Variants in TNFSF12 observed in about 807,000 individuals in gnomAD.
TNFSF12 encodes the protein tumor necrosis factor ligand superfamily member 12.
TNFSF12 carries 16 observed loss-of-function variants against 31.2 expected under a neutral mutation model. The ratio of observed to expected loss-of-function variants is 0.51; its 90% CI spans 0.35 to 0.78. The LOEUF is 0.78. TNFSF12 is among the 30% of genes least tolerant of loss of function. The probability of loss-of-function intolerance (pLI) is 0.01; values close to 1 mark genes in which losing one functional copy is unlikely to be tolerated. For synonymous variants in TNFSF12, 150 were observed against 151.4 expected (o/e 0.99, Z 0.07); for missense variants, 324 against 338.8 (o/e 0.96, Z 0.34).
intron 5 of TNFSF12, 149 bp downstream of exon 5, chr17:7,551,127 GGACCCCATGAAA>G: frequency 7.2e-7 from 1 of 1,391,488 alleles, no homozygotes. Context: ...CCCAGGCGTG[GGACCCCATGAAA>G]GACCCCTACT....
intron 5 of TNFSF12, among the ~76,000 whole-genome samples, chr17:7,555,908 G>C (rs1338871028): frequency 6.6e-6 from 1 of 151,468 alleles, no homozygotes; most frequent in Non-Finnish European, 1.5e-5. Flanking sequence ...AAACTTCAGG[G>C]CTGGAGACTC....
At position 7,550,110 on chromosome 17, in the gene TNFSF12, A is replaced by G. The variant is rs1289343402; in HGVS notation, c.208-10A>G. 6.2e-7 allele frequency: 1 copy of G among 1,613,844 alleles called. No individual in the cohort carries two copies. The highest frequency in any genetic ancestry group is 8.5e-7 in the Non-Finnish European group (1 of 1,179,994). ...GAGTCTGTGGTTGAACCCTGCCCTAATTCCCCTAGGAACTGAATCCCCAGA... is the reference window on the plus strand; with the variant it reads ...GAGTCTGTGGTTGAACCCTGCCCTAGTTCCCCTAGGAACTGAATCCCCAGA... On this transcript the variant is annotated splice_polypyrimidine_tract_variant and intron_variant, in intron 2 of 6. Coordinates refer to ENST00000293825, the MANE Select transcript of TNFSF12 (RefSeq NM_003809.3). The surrounding 1 kb of genome is among the most constrained non-coding windows in gnomAD (Gnocchi z 4.4).
rs1295184449 is a variant in TNFSF12 at position 7,556,838 on chromosome 17, G to A, written c.434G>A (p.Arg145His). Reference protein sequence around the residue: ...EARINSSSPLRYNRQIGEFIV... With the variant: ...EARINSSSPLHYNRQIGEFIV... ...AGAATCAACAGCTCCAGCCCTCTGC[G>A]CTACAACCGCCAGATCGGGGAGTTT... is the stretch of plus-strand genomic sequence containing the variant. Residue 145 changes from arginine (R) to histidine (H), a missense_variant, in exon 6 of 7, where the codon CGC becomes CAC. Physicochemically the swap from Arg to His is conservative, Grantham distance 29. Transcript: ENST00000293825. The A allele has an allele frequency of 7.7e-6, 12 of 1,562,876 alleles. No individual in the cohort carries two copies. The highest frequency in any genetic ancestry group is 2.3e-5 in the East Asian group (1 of 44,104).
chr17:7,550,965 C>T lies in TNFSF12; in HGVS notation c.360C>T (p.Asp120=), dbSNP rs141377098. The change falls in exon 5 of 7, where the codon GAC becomes GAT. Residue 120 remains aspartate (D), a synonymous_variant. Transcript: ENST00000293825. This position sits in a 1 kb window ranked among gnomAD's most constrained non-coding sequence, Gnocchi z 4.4. ...CAGTTCATCCACGACCTGGACAGGA[C>T]GGAGCGCAGGCAGGTGAGACCCCAT... ...HYEVHPRPGQ[D]GAQAGVDGTV... is the part of the protein sequence containing the mutation. 30 of 1,613,864 alleles carry T rather than the reference C, an allele frequency of 1.9e-5. No individual in the cohort carries two copies. The highest frequency in any genetic ancestry group is 1.7e-4 in the Middle Eastern group (1 of 5,992).
At position 7,557,538 on chromosome 17, in the gene TNFSF12, A is replaced by C. The variant is rs1452585383; in HGVS notation, c.*188A>C. 6.2e-6 allele frequency: 5 copies of C among 811,660 alleles called. No homozygotes were observed. In the Admixed American group the frequency reaches 1.7e-4, roughly 27 times the overall value. 50.3% of individuals were successfully genotyped at this position (811,660 alleles called of 1,614,324 possible). A position where few individuals can be genotyped will look rare whatever the true frequency, so the allele number is the denominator to read the frequency against. On this transcript the variant is annotated 3_prime_UTR_variant, in exon 7 of 7. Transcript: ENST00000293825. The surrounding 1 kb of genome is among the most constrained non-coding windows in gnomAD (Gnocchi z 5.2). The stretch of plus-strand genomic sequence containing the variant: ...AATACAGTATTCCCACTCTTATCTT[A>C]CAACTCCCCCACCGCCCACTCTCCA...
At chr17:7,553,531 T>C (rs767833267) in intron 5 of TNFSF12, 67 of 822,846 alleles carry the variant, frequency 8.1e-5, no homozygotes, top group Non-Finnish European at 1.2e-4. Flanking sequence ...TTTGGTCTTA[T>C]CTAATCCTCA....
chr17:7,552,094 GA>G (rs1234735993), intron 5 of TNFSF12, among the ~76,000 whole-genome samples: 2 of 152,252 alleles, frequency 1.3e-5, no homozygotes, highest in Admixed American at 6.5e-5. Context: ...CCAGCTTCTA[GA>G]TTTTTAACTT....
At position 7,549,387 on chromosome 17, in the gene TNFSF12, G is replaced by T. The variant is rs1294262429; in HGVS notation, c.159+75G>T. ...GCAGAGGGGCCGCTGGGGGCCGCGT[G>T]GGCTGAAGGCAAGGGGAAGGGAGGA... On this transcript the variant is annotated intron_variant, in intron 1 of 6. Transcript: ENST00000293825. This position sits in a 1 kb window ranked among gnomAD's most constrained non-coding sequence, Gnocchi z 4.1. 4 of 1,410,632 alleles carry T rather than the reference G, an allele frequency of 2.8e-6. No individual in the cohort carries two copies. In the East Asian group the frequency reaches 1.1e-4, roughly 38 times the overall value. The allele number at this position is 1,410,632 out of a possible 1,614,324, so 87.4% of individuals were successfully genotyped here. A position where few individuals can be genotyped will look rare whatever the true frequency, so the allele number is the denominator to read the frequency against.
rs936398266 is a variant in TNFSF12 at position 7,550,502 on chromosome 17, T to A, written c.284-297T>A. On this transcript the variant is annotated intron_variant, in intron 3 of 6. Coordinates refer to ENST00000293825, the MANE Select transcript of TNFSF12 (RefSeq NM_003809.3). The surrounding 1 kb of genome is among the most constrained non-coding windows in gnomAD (Gnocchi z 4.4). ...TAGGCAAAGAGACTTAGGAATGGGA[T>A]GATGGGGTGGCCGGATGACCACGTG... is the stretch of plus-strand genomic sequence containing the variant. Among the ~76,000 whole-genome samples, 1 of 151,774 alleles carries A rather than the reference T, an allele frequency of 6.6e-6. No individual in the cohort carries two copies. The highest frequency in any genetic ancestry group is 1.5e-5 in the Non-Finnish European group (1 of 68,004).
In TNFSF12 at chr17:7,549,560, ATGG is replaced by A. The variant is rs756221603; in HGVS notation, c.207+40_207+42del. 10 of 1,514,828 alleles carry A rather than the reference ATGG, an allele frequency of 6.6e-6. No individual in the cohort carries two copies. In the Admixed American group the frequency reaches 8.3e-5, roughly 13 times the overall value. 93.8% of individuals were successfully genotyped at this position (1,514,828 alleles called of 1,614,324 possible). The stretch of plus-strand genomic sequence containing the variant: ...GGCGCGGTCTGCAGGCTGCTGGGGC[ATGG>A]GAAGTGTGCACAGCCGAGGCTGCAG... On this transcript the variant is annotated intron_variant, in intron 2 of 6. Coordinates refer to ENST00000293825, the MANE Select transcript of TNFSF12 (RefSeq NM_003809.3). This position sits in a 1 kb window ranked among gnomAD's most constrained non-coding sequence, Gnocchi z 4.1.
At chr17:7,552,686 C>G (rs901310201) in intron 5 of TNFSF12, among the ~76,000 whole-genome samples, 3 of 152,020 alleles carry the variant, frequency 2.0e-5, no homozygotes, top group African/African-American at 7.3e-5. Flanking sequence ...AGAAGGGCCC[C>G]ACGAATGAAG....
chr17:7,549,400 G>A lies in TNFSF12; in HGVS notation c.160-74G>A. 1 of 1,422,942 alleles carries A rather than the reference G, an allele frequency of 7.0e-7. No individual in the cohort carries two copies. 88.1% of individuals were successfully genotyped at this position (1,422,942 alleles called of 1,614,324 possible). On this transcript the variant is annotated intron_variant, in intron 1 of 6. Coordinates refer to ENST00000293825, the MANE Select transcript of TNFSF12 (RefSeq NM_003809.3). The surrounding 1 kb of genome is among the most constrained non-coding windows in gnomAD (Gnocchi z 4.1). ...TGGGGGCCGCGTGGGCTGAAGGCAAGGGGAAGGGAGGATGGGTGGAGGGTG... is the reference window on the plus strand; with the variant it reads ...TGGGGGCCGCGTGGGCTGAAGGCAAAGGGAAGGGAGGATGGGTGGAGGGTG...
At chr17:7,553,217 T>C (rs2071022116) in intron 5 of TNFSF12, among the ~76,000 whole-genome samples, 1 of 151,766 alleles carries the variant, frequency 6.6e-6, no homozygotes, top group Non-Finnish European at 1.5e-5. Flanking sequence ...GCCTGGCTAA[T>C]TTTGTATTTT....
chr17:7,549,976 G>A lies in TNFSF12; in HGVS notation c.208-144G>A. The A allele has an allele frequency of 1.5e-6, 2 of 1,314,246 alleles. No individual in the cohort carries two copies. The highest frequency in any genetic ancestry group is 2.9e-5 in the African/African-American group (2 of 68,322). The allele number at this position is 1,314,246 out of a possible 1,614,324, so 81.4% of individuals were successfully genotyped here. A position where few individuals can be genotyped will look rare whatever the true frequency, so the allele number is the denominator to read the frequency against. ...GACTCCCAGCTTCACCTTTGCCCGG[G>A]GCCCCAGCTGTAGTTGGCTGAGGGG... On this transcript the variant is annotated intron_variant, in intron 2 of 6. Transcript: ENST00000293825. The surrounding 1 kb of genome is among the most constrained non-coding windows in gnomAD (Gnocchi z 4.1).
At chr17:7,552,219 C>T (rs4511593) in intron 5 of TNFSF12, among the ~76,000 whole-genome samples, 90,094 of 151,954 alleles carry the variant, frequency 0.59, 27,446 homozygotes, top group South Asian at 0.7. Context: ...AATAAACAAG[C>T]GGATAAATGA....
intron 5 of TNFSF12, among the ~76,000 whole-genome samples, chr17:7,552,871 A>T (rs2071015929): frequency 6.6e-6 from 1 of 152,080 alleles, no homozygotes; most frequent in East Asian, 1.9e-4. Flanking sequence ...GATCACATGA[A>T]ATGAGAACAG....
In TNFSF12 at chr17:7,550,763, G is replaced by A. The variant is rs1304393241; in HGVS notation, c.284-36G>A. 1 of 1,595,940 alleles carries A rather than the reference G, an allele frequency of 6.3e-7. No homozygotes were observed. The highest frequency in any genetic ancestry group is 1.3e-5 in the African/African-American group (1 of 74,736). ...GAGTTGCTCTGGGACCCCCACTAGG[G>A]CCCGCTTTGCTCATCTGTCTTTCCT... On this transcript the variant is annotated intron_variant, in intron 3 of 6. Transcript: ENST00000293825. This position sits in a 1 kb window ranked among gnomAD's most constrained non-coding sequence, Gnocchi z 4.4.
intron 5 of TNFSF12, among the ~76,000 whole-genome samples, chr17:7,551,566 A>C (rs1245867611): frequency 6.6e-6 from 1 of 151,722 alleles, no homozygotes; most frequent in Admixed American, 6.6e-5. Context: ...CTGCGCTGAC[A>C]CCCCTGCTCC....
Position 7,549,660 on chromosome 17 carries a change from C to A in TNFSF12, c.207+139C>A. ...TGTGAACACAGTGCGTGCATGGGTGCGTGTCTGCAGGGGTGTGTGTGCGTG... is the reference window on the plus strand; with the variant it reads ...TGTGAACACAGTGCGTGCATGGGTGAGTGTCTGCAGGGGTGTGTGTGCGTG... On this transcript the variant is annotated intron_variant, in intron 2 of 6. Transcript: ENST00000293825. The surrounding 1 kb of genome is among the most constrained non-coding windows in gnomAD (Gnocchi z 4.1). 1 of 1,310,384 alleles carries A rather than the reference C, an allele frequency of 7.6e-7. No homozygotes were observed. The highest frequency in any genetic ancestry group is 1.0e-6 in the Non-Finnish European group (1 of 995,744). 81.2% of individuals were successfully genotyped at this position (1,310,384 alleles called of 1,614,324 possible).
Sources: gnomAD v4.1 joint callset for allele counts (sites outside exome capture counted in the v4.1 genomes callset) on GRCh38, gnomAD v4.1.1 for gene constraint, Gnocchi (gnomAD v3.1) non-coding constraint, MANE v1.5 for transcripts, NCBI Gene and HGNC (gene_info 2026-07-23, HGNC 2026-07-21) for gene names.